Variants in ITGB4 observed in about 807,000 individuals in gnomAD.
ITGB4 encodes integrin beta-4.
A neutral mutation model predicts 207.6 loss-of-function variants in ITGB4; 159 were observed. The ratio of observed to expected loss-of-function variants is 0.77; its 90% confidence interval spans 0.67 to 0.87. The LOEUF (loss-of-function observed/expected upper bound fraction) is 0.87, where lower values mean the gene tolerates loss of function less well. ITGB4 is among the 40% of genes least tolerant of loss of function. ITGB4 has a pLI of 0.00. For synonymous variants in ITGB4, 1,020 were observed against 1,062.7 expected (o/e 0.96, Z 0.78); for missense variants, 2,278 against 2,546.8 (o/e 0.89, Z 2.27).
intron 32 of ITGB4, among the ~76,000 whole-genome samples, 192 bp from the exon 33 acceptor site, chr17:75,753,573 C>A (rs1056909727): frequency 6.6e-6 from 1 of 152,196 alleles, no homozygotes; most frequent in African/African-American, 2.4e-5. Context: ...AGGCTTCAGC[C>A]GCGCAAGGGT....
intron 32 of ITGB4, among the ~76,000 whole-genome samples, chr17:75,752,879 C>A (rs892746795): frequency 6.6e-6 from 1 of 152,146 alleles, no homozygotes; most frequent in Non-Finnish European, 1.5e-5. Flanking sequence ...TCAGGCCACC[C>A]CCCAGGGGCA....
intron 33 of ITGB4, 112 bp downstream of exon 33, chr17:75,754,086 C>G: frequency 2.1e-6 from 1 of 465,704 alleles, no homozygotes; most frequent in Non-Finnish European, 3.6e-6. Flanking sequence ...CAGCCAGGCC[C>G]GGGCCTTGGC....
chr17:75,731,589 G>T lies in ITGB4; in HGVS notation c.1215+221G>T, dbSNP rs1270501540. Among the ~76,000 whole-genome samples the T allele has an allele frequency of 6.6e-6, 1 of 152,184 alleles. No homozygotes were observed. The highest frequency in any genetic ancestry group is 1.5e-5 in the Non-Finnish European group (1 of 68,026). ...CGGAGGCTTGCTGGGGCAGTAAATG[G>T]GTTAGTGTCACGAAGCCCAGAGGCC... On this transcript the variant is annotated intron_variant, in intron 10 of 39. Coordinates refer to ENST00000200181, the MANE Select transcript of ITGB4 (RefSeq NM_000213.5). The surrounding 1 kb of genome is among the most constrained non-coding windows in gnomAD (Gnocchi z 6.8).
Position 75,740,938 on chromosome 17 carries a change from A to G in ITGB4, c.2610-44A>G. 1 of 1,613,842 alleles carries G rather than the reference A, an allele frequency of 6.2e-7. No homozygotes were observed. The highest frequency in any genetic ancestry group is 1.1e-5 in the South Asian group (1 of 91,074). ...AAGCCCCCAGGCCGATCAGGCCTCC[A>G]CTTCAGGGCTATCTAGCTCACAGCG... On this transcript the variant is annotated intron_variant, in intron 22 of 39. Transcript: ENST00000200181. This position sits in a 1 kb window ranked among gnomAD's most constrained non-coding sequence, Gnocchi z 5.9.
In ITGB4 at chr17:75,729,689, C is replaced by G. The variant is rs1465781154; in HGVS notation, c.738+253C>G. ...CACAGCCTGGTTTCGTATCAGCTAC[C>G]AAGGCAGACCTGGGCTTTAGCGTTC... is the stretch of plus-strand genomic sequence containing the variant. On this transcript the variant is annotated intron_variant, in intron 7 of 39. Transcript: ENST00000200181. The surrounding 1 kb of genome is among the most constrained non-coding windows in gnomAD (Gnocchi z 4.4). Among the ~76,000 whole-genome samples the G allele has an allele frequency of 6.6e-6, 1 of 152,234 alleles. No individual in the cohort carries two copies. The highest frequency in any genetic ancestry group is 1.5e-5 in the Non-Finnish European group (1 of 68,040).
chr17:75,726,746 C>CAAAAT (rs1035296366), intron 2 of ITGB4, among the ~76,000 whole-genome samples: 5 of 148,240 alleles, frequency 3.4e-5, no homozygotes, highest in African/African-American at 1.2e-4. Context: ...TAAAGTAAAA[C>CAAAAT]AAAATAAAAA....
chr17:75,754,086 C>T, intron 33 of ITGB4, 112 bp downstream of exon 33: 1 of 465,704 alleles, frequency 2.1e-6, no homozygotes, highest in Non-Finnish European at 3.6e-6. Context: ...CAGCCAGGCC[C>T]GGGCCTTGGC....
chr17:75,754,019 T>A, intron 33 of ITGB4, 45 bp downstream of exon 33: 1 of 916,004 alleles, frequency 1.1e-6, no homozygotes, highest in Non-Finnish European at 1.4e-6. Context: ...CCACCCAGCC[T>A]CACTCGCGCC....
In ITGB4 at chr17:75,727,759, C is replaced by T. The variant is rs1313828612; in HGVS notation, c.373C>T (p.Pro125Ser). ...GCATTTTGAGCTGGAGGTGTTTGAG[C>T]CACTGGAGAGCCCCGTGGACCTGTA... ...ERHFELEVFEPLESPVDLYIL... is the reference protein window; with the variant it reads ...ERHFELEVFESLESPVDLYIL... Residue 125 changes from proline (P) to serine (S), a missense_variant, in exon 5 of 40, where the codon CCA (proline) becomes TCA (serine). Pro to Ser is a moderately conservative substitution (Grantham distance 74). Coordinates refer to ENST00000200181, the MANE Select transcript of ITGB4 (RefSeq NM_000213.5). This position sits in a 1 kb window ranked among gnomAD's most constrained non-coding sequence, Gnocchi z 6.0. The T allele has an allele frequency of 1.9e-6, 3 of 1,613,938 alleles. No individual in the cohort carries two copies. The African/African-American group carries it at 4.0e-5, about 22-fold the overall frequency.
intron 35 of ITGB4, 145 bp downstream of exon 35, chr17:75,755,995 A>AC: frequency 9.9e-7 from 1 of 1,013,096 alleles, no homozygotes; most frequent in Non-Finnish European, 1.5e-6. Context: ...AGGGTCTCCC[A>AC]CCCCATTCTC....
chr17:75,722,918 A>G lies in ITGB4; in HGVS notation c.-11+1306A>G, dbSNP rs373277396. Among the ~76,000 whole-genome samples, 1 of 152,132 alleles carries G rather than the reference A, an allele frequency of 6.6e-6. No homozygotes were observed. The highest frequency in any genetic ancestry group is 1.9e-4 in the East Asian group (1 of 5,198). ...GTGGGGTCCGGGCCGCCTGGAGAGT[A>G]GGTGTCCTGAGCGCTGGGCCCAGCC... On this transcript the variant is annotated intron_variant, in intron 1 of 39. Transcript: ENST00000200181. The surrounding 1 kb of genome is among the most constrained non-coding windows in gnomAD (Gnocchi z 6.2).
chr17:75,755,141 T>C lies in ITGB4; in HGVS notation c.4558+326T>C, dbSNP rs761793204. 6.8e-6 allele frequency: 11 copies of C among 1,611,564 alleles called. No homozygotes were observed. The South Asian group carries it at 1.1e-4, about 16-fold the overall frequency. ...CCGGAGTCGGGCTCAGATGAAAGGG[T>C]TCCCCCCTTCCAGGGGCCCACGAGA... is the stretch of plus-strand genomic sequence containing the variant. On this transcript the variant is annotated intron_variant, in intron 34 of 39. Coordinates refer to ENST00000200181, the MANE Select transcript of ITGB4 (RefSeq NM_000213.5).
intron 34 of ITGB4, 130 bp downstream of exon 34, chr17:75,754,945 CGCACACACGTGCACACGCAT>C: frequency 1.4e-6 from 2 of 1,450,140 alleles, no homozygotes; most frequent in South Asian, 2.3e-5. Context: ...CACACATGCA[CGCACACACGTGCACACGCAT>C]GCACACATGT....
chr17:75,755,760 G>A lies in ITGB4; in HGVS notation c.4618G>A (p.Gly1540Arg). 6.2e-7 allele frequency: 1 copy of A among 1,612,804 alleles called. No homozygotes were observed. The highest frequency in any genetic ancestry group is 8.5e-7 in the Non-Finnish European group (1 of 1,179,964). ...CACCCGCCTGGTGTTCTCTGCCCTG[G>A]GGCCCACATCTCTCAGAGTGAGCTG... is the stretch of plus-strand genomic sequence containing the variant. ...TPTRLVFSAL[G>R]PTSLRVSWQE... Residue 1540 changes from glycine (G) to arginine (R), a missense_variant, in exon 35 of 40, where the codon GGG becomes AGG. Gly to Arg is a moderately radical substitution (Grantham distance 125). Transcript: ENST00000200181.
At chr17:75,733,256 G>A (rs1353418847) in intron 12 of ITGB4, among the ~76,000 whole-genome samples, 1 of 151,186 alleles carries the variant, frequency 6.6e-6, no homozygotes. Context: ...CGTAGTGGCG[G>A]GTGCCTGTAG....
chr17:75,736,199 C>T, intron 14 of ITGB4, 45 bp downstream of exon 14: 1 of 1,606,746 alleles, frequency 6.2e-7, no homozygotes, highest in South Asian at 1.1e-5. Context: ...GCACCACCCA[C>T]CCTCTCCAGA....
At position 75,742,719 on chromosome 17, in the gene ITGB4, C is replaced by T. The variant is rs761734553; in HGVS notation, c.2920C>T (p.Leu974Phe). Residue 974 changes from leucine (L) to phenylalanine (F), a missense_variant, in exon 25 of 40, where the codon CTC becomes TTC. Transcript: ENST00000200181. The surrounding 1 kb of genome is among the most constrained non-coding windows in gnomAD (Gnocchi z 5.9). ...CGACGTGCCCGCAGGCACTGCCACC[C>T]TCGGCCGCCGCCTGGTAAACATCAC... is the stretch of plus-strand genomic sequence containing the variant. ...AIDVPAGTAT[L>F]GRRLVNITII... The T allele has an allele frequency of 1.2e-6, 2 of 1,613,268 alleles. No homozygotes were observed. The highest frequency in any genetic ancestry group is 2.7e-5 in the African/African-American group (2 of 75,060).
In ITGB4 at chr17:75,732,116, C is replaced by T. The variant is rs376866704; in HGVS notation, c.1378-47C>T. 55 of 1,610,120 alleles carry T rather than the reference C, an allele frequency of 3.4e-5. No individual in the cohort carries two copies. The highest frequency in any genetic ancestry group is 1.6e-4 in the East Asian group (7 of 44,878). On this transcript the variant is annotated intron_variant, in intron 11 of 39. Coordinates refer to ENST00000200181, the MANE Select transcript of ITGB4 (RefSeq NM_000213.5). This position sits in a 1 kb window ranked among gnomAD's most constrained non-coding sequence, Gnocchi z 5.3. ...GGAGAGCGGAAGTGTCCAGTGGCCC[C>T]GGTCCTGCTCCCCCGACGCACCCCA...
intron 34 of ITGB4, 66 bp downstream of exon 34, chr17:75,754,881 C>T (rs751505733): frequency 1.7e-5 from 28 of 1,607,866 alleles, no homozygotes; most frequent in Non-Finnish European, 2.2e-5. Flanking sequence ...CCTGGAGCCT[C>T]GGGCTTCTGT....
Sources: gnomAD v4.1 joint callset for allele counts (sites outside exome capture counted in the v4.1 genomes callset) on GRCh38, gnomAD v4.1.1 for gene constraint, Gnocchi (gnomAD v3.1) non-coding constraint, MANE v1.5 for transcripts, NCBI Gene and HGNC (gene_info 2026-07-23, HGNC 2026-07-21) for gene names.